PAN3: variants seen among roughly 807,000 people sequenced by gnomAD.
PAN3 encodes the protein PAN2-PAN3 deadenylation complex subunit PAN3.
PAN3 carries 19 observed loss-of-function variants against 96.2 expected under a neutral mutation model. The observed-to-expected ratio is 0.20, with a 90% confidence interval of 0.14 to 0.29. The LOEUF (loss-of-function observed/expected upper bound fraction) is 0.29, where lower values mean the gene tolerates loss of function less well. PAN3 is among the 10% of genes least tolerant of loss of function. The pLI is 1.00. For synonymous variants in PAN3, 433 were observed against 406.6 expected (o/e 1.06, Z -0.78); for missense variants, 882 against 1,108.1 (o/e 0.80, Z 2.90).
chr13:28,138,774 G>A lies in PAN3; in HGVS notation c.117G>A (p.Gly39=). Residue 39 remains glycine, a synonymous_variant, in exon 1 of 19, where the codon GGG becomes GGA. Coordinates refer to ENST00000380958, the MANE Select transcript of PAN3 (RefSeq NM_175854.8). The stretch of plus-strand genomic sequence containing the variant: ...CGGGGGTCGGGGGTGTCCCCGGCGG[G>A]GCGGCGGTAGGAGTGAAGCTGAAGT... ...APPGVGGVPG[G]AAVGVKLKYC... The A allele has an allele frequency of 7.3e-7, 1 of 1,373,868 alleles. No homozygotes were observed. The highest frequency in any genetic ancestry group is 9.4e-7 in the Non-Finnish European group (1 of 1,068,132). 85.1% of individuals were successfully genotyped at this position (1,373,868 alleles called of 1,614,324 possible).
intron 3 of PAN3, among the ~76,000 whole-genome samples, chr13:28,177,428 G>T (rs1162683023): frequency 1.3e-5 from 2 of 152,158 alleles, no homozygotes; most frequent in Non-Finnish European, 2.9e-5. Context: ...TTAAAGCCTT[G>T]CTGATGTGTT....
chr13:28,154,461 G>A (rs927867378), intron 1 of PAN3, among the ~76,000 whole-genome samples: 1 of 151,910 alleles, frequency 6.6e-6, no homozygotes, highest in Admixed American at 6.6e-5. Context: ...TTAAGAGCCA[G>A]TTTGCCAGAT....
chr13:28,225,589 G>C (rs1881910488), intron 6 of PAN3, among the ~76,000 whole-genome samples: 2 of 152,168 alleles, frequency 1.3e-5, no homozygotes, highest in Admixed American at 1.3e-4. Context: ...TCTCTGCTTA[G>C]TCATTTACAG....
At chr13:28,141,003 C>CTTTTTATTTTTTTTTTT in intron 1 of PAN3, among the ~76,000 whole-genome samples, 1 of 112,944 alleles carries the variant, frequency 8.9e-6, no homozygotes, top group African/African-American at 3.6e-5. Context: ...GAAAGAGACA[C>CTTTTTATTTTTTTTTTT]TTTTTTTTTT....
chr13:28,141,302 C>T (rs1869773771), intron 1 of PAN3, among the ~76,000 whole-genome samples: 1 of 151,542 alleles, frequency 6.6e-6, no homozygotes, highest in South Asian at 2.1e-4. Context: ...ACTGTGCTGG[C>T]CAGAAAGAGG....
At chr13:28,181,756 C>T (rs1045248768) in intron 4 of PAN3, among the ~76,000 whole-genome samples, 1 of 152,092 alleles carries the variant, frequency 6.6e-6, no homozygotes, top group Non-Finnish European at 1.5e-5. Flanking sequence ...TTTGATAATA[C>T]TGTGACATTC....
intron 6 of PAN3, chr13:28,239,851 A>G (rs1007720464): frequency 5.3e-5 from 19 of 360,622 alleles, no homozygotes; most frequent in African/African-American, 3.2e-4. Flanking sequence ...TTTATTGTCA[A>G]ACTTCTTTAA....
At chr13:28,212,092 G>A (rs1157904306) in intron 5 of PAN3, among the ~76,000 whole-genome samples, 1 of 152,218 alleles carries the variant, frequency 6.6e-6, no homozygotes, top group African/African-American at 2.4e-5. Context: ...AATTCAGGAT[G>A]TGAATGAAGA....
At chr13:28,281,478 ATTCT>A (rs1343100869) in intron 17 of PAN3, 99 bp downstream of exon 17, 11 of 1,105,210 alleles carry the variant, frequency 1.0e-5, no homozygotes, top group Non-Finnish European at 1.4e-5. Context: ...AAAGAGAAAA[ATTCT>A]CATGTGAAGT....
rs779468176 is a variant in PAN3 at position 28,138,603 on chromosome 13, T to TGGCGGCGGC, written c.-53_-52insCGGCGGCGG. 0.21 allele frequency: 98,889 copies of TGGCGGCGGC among 463,876 alleles called. 14,194 individuals carry two copies. The highest frequency in any genetic ancestry group is 0.56 in the African/African-American group (26,702 of 47,872). The allele number at this position is 463,876 out of a possible 1,614,324, so 28.7% of individuals were successfully genotyped here. A position where few individuals can be genotyped will look rare whatever the true frequency, so the allele number is the denominator to read the frequency against. On this transcript the variant is annotated 5_prime_UTR_variant, in exon 1 of 19. Coordinates refer to ENST00000380958, the MANE Select transcript of PAN3 (RefSeq NM_175854.8). ...TCTTCCTTTCCTCCCCCGTCTATGG[T>TGGCGGCGGC]GGTGGCGGCGGCGGCTCCTCGGGCG...
At chr13:28,219,211 C>G (rs1338851199) in intron 5 of PAN3, among the ~76,000 whole-genome samples, 1 of 152,128 alleles carries the variant, frequency 6.6e-6, no homozygotes, top group Non-Finnish European at 1.5e-5. Flanking sequence ...CCTGATTATA[C>G]TTTTTCAGAA....
intron 6 of PAN3, among the ~76,000 whole-genome samples, chr13:28,221,247 T>C (rs1003444036): frequency 1.3e-5 from 2 of 152,166 alleles, no homozygotes; most frequent in East Asian, 3.8e-4. Context: ...TAGTAAGTGC[T>C]GAGCAGATTG....
chr13:28,154,754 C>G (rs556268435), intron 1 of PAN3, among the ~76,000 whole-genome samples: 1 of 151,942 alleles, frequency 6.6e-6, no homozygotes, highest in Non-Finnish European at 1.5e-5. Context: ...CTTTAGCCTC[C>G]CAAAGTGCTA....
intron 1 of PAN3, among the ~76,000 whole-genome samples, chr13:28,149,143 T>C (rs1871056068): frequency 6.6e-6 from 1 of 151,988 alleles, no homozygotes; most frequent in Non-Finnish European, 1.5e-5. Flanking sequence ...TTACTTGAGC[T>C]CAGAAGTTTG....
chr13:28,176,330 C>T (rs1302468590), intron 2 of PAN3, among the ~76,000 whole-genome samples, 163 bp from the exon 3 acceptor site: 1 of 152,038 alleles, frequency 6.6e-6, no homozygotes, highest in Non-Finnish European at 1.5e-5. Flanking sequence ...GTGGTTTTTA[C>T]ATAGTTGTAA....
chr13:28,218,270 A>G (rs893601138), intron 5 of PAN3, among the ~76,000 whole-genome samples: 2 of 152,044 alleles, frequency 1.3e-5, no homozygotes, highest in Admixed American at 1.3e-4. Flanking sequence ...TCTGGCTACA[A>G]TTAATTTATA....
chr13:28,164,964 G>C (rs186412042), intron 1 of PAN3, among the ~76,000 whole-genome samples: 8 of 152,328 alleles, frequency 5.3e-5, no homozygotes, highest in Non-Finnish European at 7.4e-5. Context: ...CTGGAGCGCA[G>C]TGGCGCGATC....
intron 6 of PAN3, among the ~76,000 whole-genome samples, chr13:28,241,722 A>G (rs1883682376): frequency 1.3e-5 from 2 of 152,164 alleles, no homozygotes; most frequent in African/African-American, 4.8e-5. Context: ...GTATTCTTTA[A>G]TTTTGGGTGA....
At chr13:28,173,961 G>A (rs185528668) in intron 1 of PAN3, among the ~76,000 whole-genome samples, 38 of 152,282 alleles carry the variant, frequency 2.5e-4, no homozygotes, top group Non-Finnish European at 4.0e-4. Context: ...CTTTTACTGA[G>A]TTGAAGAAAG....
Sources: gnomAD v4.1 joint callset for allele counts (sites outside exome capture counted in the v4.1 genomes callset) on GRCh38, gnomAD v4.1.1 for gene constraint, MANE v1.5 for transcripts, NCBI Gene and HGNC (gene_info 2026-07-23, HGNC 2026-07-21) for gene names.